Variants in CAST observed in about 807,000 individuals in gnomAD.
The protein encoded by CAST is calpastatin, also known as MIR583 host.
CAST carries 76 observed loss-of-function variants against 119.6 expected under a neutral mutation model. That is an observed-to-expected ratio of 0.64 (90% CI 0.53 to 0.77). The LOEUF (loss-of-function observed/expected upper bound fraction) is 0.77. Ranked by LOEUF, CAST falls within the 30% of genes least tolerant of loss-of-function variation. CAST has a pLI of 0.00. For synonymous variants in CAST, 319 were observed against 331.6 expected (o/e 0.96, Z 0.41); for missense variants, 953 against 946.5 (o/e 1.01, Z -0.09).
chr5:96,397,064 A>T, the CAST span, among the ~76,000 whole-genome samples: 30,103 of 152,164 alleles, frequency 0.2, 3,778 homozygotes, highest in Non-Finnish European at 0.26. Context: ...GCATGCAGAC[A>T]TGGGAACACC....
At chr5:96,492,415 AT>A in the CAST span, among the ~76,000 whole-genome samples, 2 of 151,978 alleles carry the variant, frequency 1.3e-5, no homozygotes, top group African/African-American at 4.8e-5. Flanking sequence ...TAATAAAAGC[AT>A]TTTTTTTCCT....
chr5:96,268,305 G>T, the CAST span, among the ~76,000 whole-genome samples: 1 of 152,150 alleles, frequency 6.6e-6, no homozygotes, highest in Non-Finnish European at 1.5e-5. Context: ...AACTGCAGTG[G>T]CTCATTCCTA....
intron 1 of CAST, among the ~76,000 whole-genome samples, chr5:96,636,808 A>G (rs1312834707): frequency 1.3e-5 from 2 of 152,104 alleles, no homozygotes; most frequent in East Asian, 3.9e-4. Flanking sequence ...CGACATTTGC[A>G]GAAGTGTGGG....
At chr5:96,171,963 G>A in the CAST span, among the ~76,000 whole-genome samples, 2 of 151,914 alleles carry the variant, frequency 1.3e-5, no homozygotes, top group African/African-American at 2.4e-5. Context: ...ACCAAATTTC[G>A]GGACCAAATT....
At chr5:96,303,577 A>T in the CAST span, among the ~76,000 whole-genome samples, 1 of 152,214 alleles carries the variant, frequency 6.6e-6, no homozygotes, top group Middle Eastern at 3.4e-3. Flanking sequence ...TGTCATCTAC[A>T]TTAGGTATTT....
the CAST span, among the ~76,000 whole-genome samples, chr5:96,017,377 A>G: frequency 2.6e-5 from 4 of 152,282 alleles, no homozygotes; most frequent in Non-Finnish European, 5.9e-5. Flanking sequence ...TTTGTGTTTC[A>G]TTTCTTAAGT....
the CAST span, among the ~76,000 whole-genome samples, chr5:96,257,274 T>G: frequency 6.6e-6 from 1 of 152,306 alleles, no homozygotes; most frequent in South Asian, 2.1e-4. Context: ...AGAGTCATCT[T>G]AAACTTGCTC....
chr5:96,647,534 T>C (rs573959159), intron 1 of CAST, among the ~76,000 whole-genome samples: 24 of 152,274 alleles, frequency 1.6e-4, no homozygotes, highest in African/African-American at 4.3e-4. Context: ...AAAATGAATA[T>C]GTTGAAGTCC....
At chr5:96,379,118 C>A in the CAST span, among the ~76,000 whole-genome samples, 1 of 152,084 alleles carries the variant, frequency 6.6e-6, no homozygotes, top group Admixed American at 6.6e-5. Flanking sequence ...ATTATAGGAT[C>A]AAAAATTAGG....
chr5:96,137,284 T>TATC, the CAST span, among the ~76,000 whole-genome samples: 1 of 152,214 alleles, frequency 6.6e-6, no homozygotes. Context: ...CTCAGACTGG[T>TATC]ATCTTTCACT....
At chr5:96,751,002 C>G (rs1764930143) in intron 20 of CAST, among the ~76,000 whole-genome samples, 1 of 152,136 alleles carries the variant, frequency 6.6e-6, no homozygotes. Flanking sequence ...CCACCGAAAG[C>G]CCAAAGTTAC....
At chr5:96,329,948 T>C in the CAST span, among the ~76,000 whole-genome samples, 2 of 152,246 alleles carry the variant, frequency 1.3e-5, no homozygotes, top group Non-Finnish European at 2.9e-5. Context: ...GTTTAAAAGA[T>C]ATCTTGGAAG....
chr5:96,035,087 A>G, the CAST span, among the ~76,000 whole-genome samples: 1 of 128,682 alleles, frequency 7.8e-6, no homozygotes, highest in Non-Finnish European at 1.7e-5. Flanking sequence ...ATATATATAT[A>G]TTTAAGTATA....
chr5:96,748,720 T>A (rs1407792073), intron 19 of CAST, 107 bp downstream of exon 19: 2 of 568,646 alleles, frequency 3.5e-6, no homozygotes, highest in Non-Finnish European at 6.4e-6. Context: ...AAGCCCAATA[T>A]GCCATCGTTT....
the CAST span, among the ~76,000 whole-genome samples, chr5:96,446,940 G>A: frequency 6.6e-6 from 1 of 152,174 alleles, no homozygotes; most frequent in African/African-American, 2.4e-5. Context: ...GTCGTTTGGG[G>A]GATTTGGGAG....
At chr5:96,000,728 G>A in the CAST span, among the ~76,000 whole-genome samples, 1 of 152,194 alleles carries the variant, frequency 6.6e-6, no homozygotes, top group Non-Finnish European at 1.5e-5. Flanking sequence ...GCCTAGTTTA[G>A]TGCAATGGCT....
At chr5:96,037,325 G>A in the CAST span, among the ~76,000 whole-genome samples, 6,682 of 152,136 alleles carry the variant, frequency 0.044, 268 homozygotes, top group African/African-American at 0.088. Flanking sequence ...TGAAAATTCT[G>A]TTCAAAAGTC....
chr5:96,411,527 G>T, the CAST span, among the ~76,000 whole-genome samples: 1 of 152,184 alleles, frequency 6.6e-6, no homozygotes, highest in Admixed American at 6.5e-5. Flanking sequence ...CAAGGCTTTA[G>T]AATCTGTGCA....
intron 1 of CAST, among the ~76,000 whole-genome samples, chr5:96,634,076 C>A (rs1174552213): frequency 6.6e-6 from 1 of 152,140 alleles, no homozygotes; most frequent in Non-Finnish European, 1.5e-5. Flanking sequence ...TTGAGAAAAA[C>A]CGAGTTTTAT....
Sources: gnomAD v4.1 joint callset for allele counts (sites outside exome capture counted in the v4.1 genomes callset) on GRCh38, gnomAD v4.1.1 for gene constraint, MANE v1.5 for transcripts, NCBI Gene and HGNC (gene_info 2026-07-23, HGNC 2026-07-21) for gene names.